Variants in PCDHGB1 observed in about 807,000 individuals in gnomAD.
PCDHGB1 encodes protocadherin gamma subfamily B, 1.
PCDHGB1 carries 34 observed loss-of-function variants against 56.6 expected under a neutral mutation model. The ratio of observed to expected loss-of-function variants is 0.60; its 90% CI spans 0.46 to 0.80. The LOEUF is 0.80. Ranked by LOEUF, PCDHGB1 falls within the 30% of genes least tolerant of loss-of-function variation. PCDHGB1 has a pLI of 0.00. For synonymous variants in PCDHGB1, 561 were observed against 505.9 expected (o/e 1.11, Z -1.46); for missense variants, 1,278 against 1,204.6 (o/e 1.06, Z -0.90).
At chr5:141,356,488 C>T (rs1760237124) in intron 1 of PCDHGB1, 1 of 1,613,868 alleles carries the variant, frequency 6.2e-7, no homozygotes, top group African/African-American at 1.3e-5. Flanking sequence ...CCAGGGAACT[C>T]CTCCACTGTC....
intron 1 of PCDHGB1, among the ~76,000 whole-genome samples, chr5:141,492,782 C>T (rs2099743868): frequency 6.6e-6 from 1 of 152,258 alleles, no homozygotes; most frequent in Non-Finnish European, 1.5e-5. Context: ...GAGTGAGCCT[C>T]TATAGGACAG....
chr5:141,378,619 T>G (rs190214323), intron 1 of PCDHGB1: 1 of 152,306 alleles, frequency 6.6e-6, no homozygotes, highest in African/African-American at 2.4e-5. Context: ...TAAAAATAGA[T>G]GACTGACTGG....
At chr5:141,402,019 C>A (rs1354499456) in intron 1 of PCDHGB1, among the ~76,000 whole-genome samples, 1 of 152,084 alleles carries the variant, frequency 6.6e-6, no homozygotes, top group Non-Finnish European at 1.5e-5. Flanking sequence ...GCATTTGAAT[C>A]ATTGAAACAC....
At position 141,361,198 on chromosome 5, in the gene PCDHGB1, C is replaced by A. The variant is rs377236216; in HGVS notation, c.2409+8529C>A. 3 of 1,613,964 alleles carry A rather than the reference C, an allele frequency of 1.9e-6. No individual in the cohort carries two copies. The highest frequency in any genetic ancestry group is 2.2e-5 in the South Asian group (2 of 91,082). ...AGTTATTGTGACTTCAGTATCTACT[C>A]CCCTACCGGAGGATTCGCCACCAGG... On this transcript the variant is annotated intron_variant, in intron 1 of 3. Transcript: ENST00000523390.
Position 141,512,147 on chromosome 5 carries a change from GGCTGA to G in PCDHGB1, c.*978_*982del, listed in dbSNP as rs1406468661. The G allele has an allele frequency of 1.3e-5, 2 of 152,652 alleles. No homozygotes were observed. Among genetic ancestry groups the G allele is most frequent in the Admixed American group, 6.5e-5 (1 of 15,286 alleles). The allele number at this position is 152,652 out of a possible 1,614,324, so 9.5% of individuals were successfully genotyped here. A position where few individuals can be genotyped will look rare whatever the true frequency, so the allele number is the denominator to read the frequency against. On this transcript the variant is annotated 3_prime_UTR_variant, in exon 4 of 4. Coordinates refer to ENST00000523390, the MANE Select transcript of PCDHGB1 (RefSeq NM_018922.3). ...GGCTCAGCCCAGGCAGCCAGCTTTG[GGCTGA>G]GCTAACAGGACCAATGGATTAAACT... is the stretch of plus-strand genomic sequence containing the variant.
intron 1 of PCDHGB1, chr5:141,383,834 C>T: frequency 2.5e-6 from 4 of 1,613,906 alleles, no homozygotes; most frequent in Non-Finnish European, 3.4e-6. Context: ...TATGAAGAAA[C>T]TGCCTTCTAT....
In PCDHGB1 at chr5:141,383,574, C is replaced by T. The variant is rs1338805390; in HGVS notation, c.2409+30905C>T. The stretch of plus-strand genomic sequence containing the variant: ...GCGGCGACCCGCCCCGATCCAGCAC[C>T]GCCCACATCCAGGTGACAGTGGTGG... On this transcript the variant is annotated intron_variant, in intron 1 of 3. Transcript: ENST00000523390. The T allele has an allele frequency of 3.7e-6, 6 of 1,613,366 alleles. No homozygotes were observed. In the South Asian group the frequency reaches 5.5e-5, roughly 15 times the overall value.
intron 1 of PCDHGB1, chr5:141,383,374 G>A (rs911594122): frequency 6.2e-7 from 1 of 1,614,028 alleles, no homozygotes; most frequent in Non-Finnish European, 8.5e-7. Flanking sequence ...CGAGGCTGGG[G>A]ATCCAGATGT....
chr5:141,372,277 C>A, intron 1 of PCDHGB1: 1 of 1,613,112 alleles, frequency 6.2e-7, no homozygotes. Flanking sequence ...GAGGTGCGCA[C>A]GGCGCGTACC....
chr5:141,357,628 C>T, intron 1 of PCDHGB1: 1 of 1,613,256 alleles, frequency 6.2e-7, no homozygotes, highest in Non-Finnish European at 8.5e-7. Flanking sequence ...TCAGGTGAGT[C>T]AATCTTATAA....
chr5:141,439,118 G>A (rs1293542421), intron 1 of PCDHGB1, among the ~76,000 whole-genome samples: 3 of 151,390 alleles, frequency 2.0e-5, no homozygotes, highest in Non-Finnish European at 4.4e-5. Flanking sequence ...ACTTGAACCC[G>A]GGAGACAGAG....
chr5:141,481,794 A>G (rs1433830305), intron 1 of PCDHGB1, among the ~76,000 whole-genome samples: 1 of 152,136 alleles, frequency 6.6e-6, no homozygotes, highest in Non-Finnish European at 1.5e-5. Context: ...TCTACTAAAA[A>G]TACAAAAATT....
At chr5:141,506,962 G>A (rs2099857578) in intron 3 of PCDHGB1, 1 of 152,196 alleles carries the variant, frequency 6.6e-6, no homozygotes, top group Non-Finnish European at 1.5e-5. Context: ...CCTCTCAATA[G>A]CTCTGCAAGG....
intron 1 of PCDHGB1, chr5:141,376,162 G>A (rs1480360111): frequency 1.2e-6 from 2 of 1,614,084 alleles, no homozygotes; most frequent in African/African-American, 1.3e-5. Flanking sequence ...CTCTGTACCT[G>A]GTGGTGGCGG....
At chr5:141,471,660 A>G (rs1010236543) in intron 1 of PCDHGB1, 12 of 152,184 alleles carry the variant, frequency 7.9e-5, no homozygotes, top group Non-Finnish European at 1.8e-4. Flanking sequence ...GTGGGGATGC[A>G]GAAAAAAATA....
At position 141,352,117 on chromosome 5, in the gene PCDHGB1, G is replaced by C. The variant is rs1437830305; in HGVS notation, c.1857G>C (p.Thr619=). The change falls in exon 1 of 4, where the codon ACG becomes ACC. Residue 619 remains threonine, a synonymous_variant. Coordinates refer to ENST00000523390, the MANE Select transcript of PCDHGB1 (RefSeq NM_018922.3). ...EPGLFSLGLR[T]GEVRTARALG... ...GGCTCTTCAGCCTGGGGTTGCGCAC[G>C]GGTGAGGTGCGCACAGCGCGTGCCT... 25 of 1,608,576 alleles carry C rather than the reference G, an allele frequency of 1.6e-5. No individual in the cohort carries two copies. The highest frequency in any genetic ancestry group is 2.0e-4 in the Middle Eastern group (1 of 5,054).
At chr5:141,415,871 G>T (rs2095966585) in intron 1 of PCDHGB1, 2 of 1,074,308 alleles carry the variant, frequency 1.9e-6, no homozygotes, top group South Asian at 2.3e-5. Context: ...TAGTGTTGTT[G>T]AGTACAATAT....
chr5:141,392,548 T>C (rs1252345592), intron 1 of PCDHGB1: 1 of 344,860 alleles, frequency 2.9e-6, no homozygotes, highest in African/African-American at 2.1e-5. Context: ...AAGTAATCTG[T>C]ATCTCAGTGC....
At chr5:141,366,019 G>T in intron 1 of PCDHGB1, 2 of 1,614,226 alleles carry the variant, frequency 1.2e-6, no homozygotes, top group South Asian at 2.2e-5. Flanking sequence ...CTGAGATCCT[G>T]TACCCCGCCC....
Sources: gnomAD v4.1 joint callset for allele counts (sites outside exome capture counted in the v4.1 genomes callset) on GRCh38, gnomAD v4.1.1 for gene constraint, MANE v1.5 for transcripts, NCBI Gene and HGNC (gene_info 2026-07-23, HGNC 2026-07-21) for gene names.